CDH23: variants seen among roughly 807,000 people sequenced by gnomAD.
CDH23 encodes cadherin-23.
A neutral mutation model predicts 317.1 loss-of-function variants in CDH23; 189 were observed. The observed-to-expected ratio is 0.60, with a 90% CI of 0.53 to 0.67. CDH23 has a LOEUF of 0.67. Ranked by LOEUF, CDH23 falls within the 30% of genes least tolerant of loss-of-function variation. CDH23 has a pLI of 0.00. For missense variants in CDH23, 4,401 were observed against 4,592.4 expected, an observed-to-expected ratio of 0.96 and a Z score of 1.20; for synonymous variants, 1,839 against 1,876.8, an observed-to-expected ratio of 0.98 and a Z score of 0.52.
chr10:71,797,248 T>C, intron 49 of CDH23, 28 bp downstream of exon 49: 1 of 1,516,224 alleles, frequency 6.6e-7, no homozygotes, highest in South Asian at 1.2e-5. Flanking sequence ...CATCTCTCAT[T>C]GGTCACTCAG....
At chr10:71,587,744 C>T (rs1859181663) in intron 9 of CDH23, among the ~76,000 whole-genome samples, 1 of 152,262 alleles carries the variant, frequency 6.6e-6, no homozygotes, top group Non-Finnish European at 1.5e-5. Context: ...CCCCTCTAAG[C>T]AGCTCAGATT....
In CDH23 at chr10:71,702,695, G is replaced by T; in HGVS notation, c.2733+1G>T. The T allele has an allele frequency of 6.2e-7, 1 of 1,613,672 alleles. No homozygotes were observed. The highest frequency in any genetic ancestry group is 8.5e-7 in the Non-Finnish European group (1 of 1,179,868). On this transcript the variant is annotated splice_donor_variant, in intron 24 of 69. Transcript: ENST00000224721. LOFTEE classifies it high-confidence loss of function. Reference sequence around the variant, plus strand: ...CCCGGCGGGGGTCTCCATCTACCAAGTGAGTCTCTATCATCTCATTCCTAC... The same window carrying T: ...CCCGGCGGGGGTCTCCATCTACCAATTGAGTCTCTATCATCTCATTCCTAC...
At position 71,812,556 on chromosome 10, in the gene CDH23, C is replaced by A; in HGVS notation, c.9457C>A (p.Pro3153Thr). The stretch of plus-strand genomic sequence containing the variant: ...CCAGGCGGAGCATGAGGATGACCTA[C>A]CGGAGAACCTGAGTGAGATCGCCGA... The part of the protein sequence containing the change: ...AAQAEHEDDL[P>T]ENLSEIADLW... The change falls in exon 67 of 70, where the codon CCG becomes ACG. Residue 3153 changes from proline (P) to threonine (T), a missense_variant. Pro to Thr is a conservative substitution (Grantham distance 38, BLOSUM62 -1). Around this residue, in one of 3 missense-constraint regions of CDH23, gnomAD observed 1,144 missense variants for 1,138.2 expected, o/e 1.01. Transcript: ENST00000224721. 1 of 1,607,632 alleles carries A rather than the reference C, an allele frequency of 6.2e-7. No homozygotes were observed. The highest frequency in any genetic ancestry group is 1.1e-5 in the South Asian group (1 of 91,012).
At chr10:71,722,994 G>A (rs1029383068) in intron 28 of CDH23, among the ~76,000 whole-genome samples, 9 of 152,304 alleles carry the variant, frequency 5.9e-5, no homozygotes, top group African/African-American at 1.7e-4. Context: ...AGAAGAATGT[G>A]ATTGGCTCAG....
chr10:71,799,893 G>A (rs183065361), intron 52 of CDH23, among the ~76,000 whole-genome samples: 18 of 152,320 alleles, frequency 1.2e-4, no homozygotes, highest in Admixed American at 5.9e-4. Context: ...CATCTGAGAT[G>A]TGTCCTCTCC....
chr10:71,740,967 G>A lies in CDH23; in HGVS notation c.4617+17G>A. 1 of 1,613,792 alleles carries A rather than the reference G, an allele frequency of 6.2e-7. No individual in the cohort carries two copies. Among genetic ancestry groups the A allele is most frequent in the Non-Finnish European group, 8.5e-7 (1 of 1,179,770 alleles). On this transcript the variant is annotated intron_variant, in intron 37 of 69. Transcript: ENST00000224721. ...GTGAATGAGGTGAGGGCAGCCCCGG[G>A]GCCCATATAGCTGGACATACGGGGG...
intron 3 of CDH23, among the ~76,000 whole-genome samples, chr10:71,506,105 C>T (rs756333101): frequency 9.9e-5 from 15 of 152,142 alleles, no homozygotes; most frequent in Non-Finnish European, 2.1e-4. Context: ...ACCATGAAAA[C>T]ATTTGGCTAA....
In CDH23 at chr10:71,488,741, T is replaced by C. The variant is rs181573013; in HGVS notation, c.146-21341T>C. ...CCTGCAACTCACTACATTGTTCACC[T>C]GAACTTCTTTCTTCATCTTTTTTTC... On this transcript the variant is annotated intron_variant, in intron 3 of 69. Coordinates refer to ENST00000224721, the MANE Select transcript of CDH23 (RefSeq NM_022124.6). 6.8e-4 allele frequency among the ~76,000 whole-genome samples: 103 copies of C among 152,390 alleles called. 1 individual carries two copies. The South Asian group carries it at 0.015, about 23-fold the overall frequency.
chr10:71,786,430 G>T (rs1408427506), intron 44 of CDH23, among the ~76,000 whole-genome samples: 1 of 151,756 alleles, frequency 6.6e-6, no homozygotes, highest in Non-Finnish European at 1.5e-5. Context: ...GAGACGTCAG[G>T]CTGGAGAAAC....
At position 71,402,962 on chromosome 10, in the gene CDH23, GA is replaced by G. The variant is rs902851332; in HGVS notation, c.-6+5654del. On this transcript the variant is annotated intron_variant, in intron 1 of 69. Coordinates refer to ENST00000224721, the MANE Select transcript of CDH23 (RefSeq NM_022124.6). Reference sequence around the variant, plus strand: ...AAACCACGTCTCTACTAAAAATACAGAAAAAAAAAATTAGCCGAGCGTGGTG... The same window carrying G: ...AAACCACGTCTCTACTAAAAATACAGAAAAAAAAATTAGCCGAGCGTGGTG... Among the ~76,000 whole-genome samples the G allele has an allele frequency of 2.8e-3, 413 of 149,636 alleles. 2 individuals carry two copies. The highest frequency in any genetic ancestry group is 4.2e-3 in the Non-Finnish European group (284 of 67,180).
rs771841361 is a variant in CDH23 at position 71,799,616 on chromosome 10, T to A, written c.7349T>A (p.Ile2450Asn). 1 of 1,614,046 alleles carries A rather than the reference T, an allele frequency of 6.2e-7. No individual in the cohort carries two copies. Among genetic ancestry groups the A allele is most frequent in the Admixed American group, 1.7e-5 (1 of 60,028 alleles). ...SLGDGESKFAINPTTGDIYVL... is the reference protein window; with the variant it reads ...SLGDGESKFANNPTTGDIYVL... Reference sequence around the variant, plus strand: ...GGAGATGGAGAGAGCAAGTTTGCCATCAACCCCACCACGGTGAGCAGTGAT... The same window carrying A: ...GGAGATGGAGAGAGCAAGTTTGCCAACAACCCCACCACGGTGAGCAGTGAT... Residue 2450 changes from isoleucine to asparagine, a missense_variant, in exon 52 of 70, where the codon ATC becomes AAC. Physicochemically the swap from Ile to Asn is moderately radical, Grantham distance 149. This residue lies in a region of CDH23 where 189 missense variants were observed against 250.9 expected (regional missense o/e 0.75). Coordinates refer to ENST00000224721, the MANE Select transcript of CDH23 (RefSeq NM_022124.6).
chr10:71,806,168 C>A lies in CDH23; in HGVS notation c.8065C>A (p.Leu2689Ile), dbSNP rs759319741. 1 of 1,560,516 alleles carries A rather than the reference C, an allele frequency of 6.4e-7. No individual in the cohort carries two copies. Among genetic ancestry groups the A allele is most frequent in the Non-Finnish European group, 8.7e-7 (1 of 1,152,646 alleles). Residue 2689 changes from leucine (L) to isoleucine (I), a missense_variant and splice_region_variant, in exon 57 of 70, where the codon CTC becomes ATC. Transcript: ENST00000224721. ...LDRESQAVYS[L>I]ILVASDLGQP... ...TCTGACTGTGCTCTTCCGCTCCTAG[C>A]TCATCTTGGTGGCCAGCGACCTGGG...
intron 1 of CDH23, among the ~76,000 whole-genome samples, chr10:71,418,645 C>T (rs1278559849): frequency 3.3e-5 from 5 of 152,200 alleles, no homozygotes; most frequent in East Asian, 1.9e-4. Context: ...TGGGAGATTC[C>T]GTTCTCTGGA....
At chr10:71,411,813 AACATAAAATTT>A (rs1186105860) in intron 1 of CDH23, among the ~76,000 whole-genome samples, 1 of 152,226 alleles carries the variant, frequency 6.6e-6, no homozygotes, top group East Asian at 1.9e-4. Context: ...AAATGTACAT[AACATAAAATTT>A]ACCTTTTAAA....
Position 71,803,250 on chromosome 10 carries a change from C to G in CDH23, c.7702C>G (p.Gln2568Glu), listed in dbSNP as rs747812603. 1 of 1,599,176 alleles carries G rather than the reference C, an allele frequency of 6.3e-7. No individual in the cohort carries two copies. ...CATGGACTCGGGCTTGGTGACCACA[C>G]AGCGGCCACTGCAGTCCTACGAGAA... ...VDMDSGLVTTQRPLQSYEKFS... is the reference protein window; with the variant it reads ...VDMDSGLVTTERPLQSYEKFS... The change falls in exon 55 of 70, where the codon CAG becomes GAG. Residue 2568 changes from glutamine to glutamate, a missense_variant. Gln to Glu is a conservative substitution (Grantham distance 29). Transcript: ENST00000224721.
At chr10:71,646,016 G>A (rs772719809) in intron 13 of CDH23, 36 bp downstream of exon 13, 11 of 1,593,862 alleles carry the variant, frequency 6.9e-6, no homozygotes, top group South Asian at 3.4e-5. Context: ...GGAGTGGGGT[G>A]GGGGGTGGAT....
chr10:71,595,318 G>C (rs938460103), intron 9 of CDH23, among the ~76,000 whole-genome samples: 1 of 152,038 alleles, frequency 6.6e-6, no homozygotes, highest in Admixed American at 6.5e-5. Context: ...CCATCTTAGC[G>C]ATCTTTCTGT....
chr10:71,438,347 C>CAAAAAAAAAAAAAAAAAGGAAAAAAAA (rs1849714120), intron 1 of CDH23, among the ~76,000 whole-genome samples: 1 of 98,360 alleles, frequency 1.0e-5, no homozygotes, highest in African/African-American at 3.4e-5. Flanking sequence ...CTGTCTCAAA[C>CAAAAAAAAAAAAAAAAAGGAAAAAAAA]AAAAAAAAAA....
chr10:71,774,279 T>G, intron 38 of CDH23, among the ~76,000 whole-genome samples: 1 of 147,084 alleles, frequency 6.8e-6, no homozygotes, highest in Non-Finnish European at 1.5e-5. Flanking sequence ...CAGGACACTC[T>G]GATGCACCCT....
Sources: allele counts gnomAD v4.1 joint callset (sites outside exome capture counted in the v4.1 genomes callset), GRCh38; gene constraint gnomAD v4.1.1; regional missense constraint gnomAD v4.1.1; transcripts MANE v1.5; gene names NCBI Gene and HGNC (gene_info 2026-07-23, HGNC 2026-07-21).